Variants in AMBRA1 observed in about 807,000 individuals in gnomAD.
The protein encoded by AMBRA1 is autophagy and beclin 1 regulator 1.
A neutral mutation model predicts 125.4 loss-of-function variants in AMBRA1; 47 were observed. The observed-to-expected ratio is 0.37, with a 90% CI of 0.30 to 0.48. The LOEUF is 0.48. AMBRA1 is among the 20% of genes least tolerant of loss of function. The pLI, the probability that AMBRA1 is intolerant of heterozygous loss-of-function variation, is 0.99. For missense variants in AMBRA1, 1,331 were observed against 1,693.4 expected (o/e 0.79, Z 3.76); for synonymous variants, 626 against 655.5 (o/e 0.95, Z 0.69).
intron 7 of AMBRA1, among the ~76,000 whole-genome samples, chr11:46,530,312 A>G (rs1230587507): frequency 6.6e-6 from 1 of 152,192 alleles, no homozygotes; most frequent in Non-Finnish European, 1.5e-5. Context: ...AGCCCCAGAG[A>G]GAGGAATGAT....
chr11:46,519,658 G>A (rs912390306), intron 7 of AMBRA1, among the ~76,000 whole-genome samples: 1 of 152,176 alleles, frequency 6.6e-6, no homozygotes, highest in Non-Finnish European at 1.5e-5. Flanking sequence ...GATGGCAACC[G>A]CTATTTCCAT....
chr11:46,441,920 T>C (rs1196547038), intron 12 of AMBRA1, among the ~76,000 whole-genome samples: 1 of 138,666 alleles, frequency 7.2e-6, no homozygotes, highest in Non-Finnish European at 1.5e-5. Context: ...CTAGGACCAA[T>C]GGGAGAAAGT....
chr11:46,493,864 GTATC>G (rs1249092944), intron 10 of AMBRA1, 156 bp from the exon 11 acceptor site: 30 of 665,342 alleles, frequency 4.5e-5, no homozygotes, highest in South Asian at 1.3e-4. Flanking sequence ...CCGCAGATTT[GTATC>G]TATCTTTTTC....
intron 11 of AMBRA1, among the ~76,000 whole-genome samples, chr11:46,481,743 T>C (rs899660313): frequency 1.3e-5 from 2 of 152,230 alleles, no homozygotes; most frequent in South Asian, 2.1e-4. Context: ...TCACACCCCA[T>C]GGTGGTTCTG....
At chr11:46,500,815 A>G (rs570030197) in intron 9 of AMBRA1, among the ~76,000 whole-genome samples, 22 of 152,142 alleles carry the variant, frequency 1.4e-4, no homozygotes, top group Admixed American at 1.2e-3. Flanking sequence ...AAATCCATGA[A>G]GCTTTCTCAC....
At chr11:46,582,934 C>G (rs558872588) in intron 1 of AMBRA1, among the ~76,000 whole-genome samples, 2 of 136,730 alleles carry the variant, frequency 1.5e-5, no homozygotes, top group African/African-American at 5.4e-5. Context: ...TTTCATAACT[C>G]AAAAAAAAAA....
chr11:46,593,693 A>C (rs1591219812), intron 1 of AMBRA1, 135 bp downstream of exon 1: 2 of 363,312 alleles, frequency 5.5e-6, no homozygotes, highest in East Asian at 8.0e-5. Context: ...CGCGCCCCTC[A>C]ACGCAGTCCG....
rs1343912611 is a variant in AMBRA1, at chr11:46,508,238, G to A, written c.2292C>T (p.Asn764=). Residue 764 remains asparagine (N), a synonymous_variant, in exon 9 of 18, where the codon AAC becomes AAT. Coordinates refer to ENST00000683756, the MANE Select transcript of AMBRA1 (RefSeq NM_001387011.1). ...CGGTTCCCTCTACTGATGGACCCTG[G>A]TTGTCTGAGGAAGAGGAGGAGGTGG... The part of the protein sequence containing the change: ...RSSTSSSSSD[N]QGPSVEGTDL... 1 of 1,614,092 alleles carries A rather than the reference G, an allele frequency of 6.2e-7. No homozygotes were observed. Among genetic ancestry groups the A allele is most frequent in the Non-Finnish European group, 8.5e-7 (1 of 1,180,038 alleles).
chr11:46,468,164 G>T (rs1949410312), intron 11 of AMBRA1, among the ~76,000 whole-genome samples: 1 of 152,098 alleles, frequency 6.6e-6, no homozygotes, highest in African/African-American at 2.4e-5. Flanking sequence ...GTGGTTCTGT[G>T]AATTATAAGA....
chr11:46,498,015 G>A (rs1360834614), intron 9 of AMBRA1, among the ~76,000 whole-genome samples: 1 of 152,162 alleles, frequency 6.6e-6, no homozygotes, highest in Non-Finnish European at 1.5e-5. Context: ...AAACTACACA[G>A]AAATCTGCCA....
At chr11:46,567,064 GTGTT>G (rs111924211) in intron 1 of AMBRA1, among the ~76,000 whole-genome samples, 402 of 151,992 alleles carry the variant, frequency 2.6e-3, no homozygotes, top group Non-Finnish European at 3.4e-3. Context: ...ATATTAAGTA[GTGTT>G]TGTTTGTTTG....
intron 1 of AMBRA1, among the ~76,000 whole-genome samples, chr11:46,562,803 CTT>C (rs35415731): frequency 0.2 from 28,737 of 142,846 alleles, 3,101 homozygotes; most frequent in African/African-American, 0.31. Flanking sequence ...AACATTGGTT[CTT>C]TTTTTTTTTT....
intron 11 of AMBRA1, among the ~76,000 whole-genome samples, chr11:46,490,426 T>C (rs1950420022): frequency 6.6e-6 from 1 of 152,226 alleles, no homozygotes. Flanking sequence ...TAAAAATTCT[T>C]TTTGCAATAA....
intron 5 of AMBRA1, among the ~76,000 whole-genome samples, chr11:46,545,172 G>GGGT (rs1476025551): frequency 7.2e-6 from 1 of 138,626 alleles, no homozygotes; most frequent in African/African-American, 2.8e-5. Context: ...GGGGGGGGGG[G>GGGT]GGTGGTGGTG....
At chr11:46,428,990 G>A (rs1019468401) in intron 14 of AMBRA1, 3 of 1,612,168 alleles carry the variant, frequency 1.9e-6, no homozygotes, top group Non-Finnish European at 2.5e-6. Flanking sequence ...GTAGCCTCGG[G>A]ACTTGAGAGA....
At chr11:46,584,753 C>T (rs1431084827) in intron 1 of AMBRA1, among the ~76,000 whole-genome samples, 1 of 152,036 alleles carries the variant, frequency 6.6e-6, no homozygotes, top group Non-Finnish European at 1.5e-5. Context: ...GAAATACAGG[C>T]ATGCACCACC....
intron 5 of AMBRA1, among the ~76,000 whole-genome samples, chr11:46,545,075 T>C (rs1490133318): frequency 4.9e-5 from 7 of 141,698 alleles, no homozygotes; most frequent in African/African-American, 1.8e-4. Context: ...TGCAGTAACT[T>C]GGGCCCATGA....
chr11:46,467,065 C>T (rs1429197633), intron 11 of AMBRA1, among the ~76,000 whole-genome samples: 2 of 151,878 alleles, frequency 1.3e-5, no homozygotes, highest in East Asian at 1.9e-4. Context: ...CTAAGGTGCA[C>T]GCCACCACAC....
rs780112177 is a variant in AMBRA1 at position 46,467,977 on chromosome 11, G to A, written c.2522-24379C>T. Among the ~76,000 whole-genome samples the A allele has an allele frequency of 2.0e-5, 3 of 152,174 alleles. No individual in the cohort carries two copies. In the East Asian group the frequency reaches 5.8e-4, roughly 29 times the overall value. ...GAACAACCAGGCAGGAAACTGCTAC[G>A]AAAGCATAATGGCCTCAATCAGGGC... On this transcript the variant is annotated intron_variant, in intron 11 of 17. Transcript: ENST00000683756.
Sources: allele counts gnomAD v4.1 joint callset (sites outside exome capture counted in the v4.1 genomes callset), GRCh38; gene constraint gnomAD v4.1.1; transcripts MANE v1.5; gene names NCBI Gene and HGNC (gene_info 2026-07-23, HGNC 2026-07-21).